Variants in GLIS3 observed in about 807,000 individuals in gnomAD.
GLIS3 encodes the protein GLIS family zinc finger 3.
In GLIS3, 53 loss-of-function variants were observed where a neutral mutation model predicts 78.6. The observed-to-expected ratio is 0.67, with a 90% confidence interval of 0.54 to 0.85. The LOEUF (loss-of-function observed/expected upper bound fraction) is 0.85, where lower values mean the gene tolerates loss of function less well. Ranked by LOEUF, GLIS3 falls within the 40% of genes least tolerant of loss-of-function variation. The pLI is 0.00. For missense variants in GLIS3, 1,703 were observed against 1,231.1 expected (o/e 1.38, Z -5.74); for synonymous variants, 684 against 509.9 (o/e 1.34, Z -4.60).
chr9:4,201,866 T>C (rs1340763426), intron 2 of GLIS3, among the ~76,000 whole-genome samples: 1 of 152,144 alleles, frequency 6.6e-6, no homozygotes, highest in African/African-American at 2.4e-5. Flanking sequence ...CCAGGCATGG[T>C]AGCTCATGCC....
At position 3,853,862 on chromosome 9, in the gene GLIS3, T is replaced by A. The variant is rs370115452; in HGVS notation, c.2473+2147A>T. 1.5e-4 allele frequency among the ~76,000 whole-genome samples: 23 copies of A among 152,354 alleles called. 1 individual carries two copies. In the South Asian group the frequency reaches 3.7e-3, roughly 25 times the overall value. The stretch of plus-strand genomic sequence containing the variant: ...CAATTTTCAAATTTTTAAAAATGTG[T>A]TTCACAGTTGTAATCAAAATGTGTT... On this transcript the variant is annotated intron_variant, in intron 9 of 10. Coordinates refer to ENST00000381971, the MANE Select transcript of GLIS3 (RefSeq NM_001042413.2).
chr9:4,458,293 G>A, the GLIS3 span, among the ~76,000 whole-genome samples: 1 of 152,176 alleles, frequency 6.6e-6, no homozygotes, highest in African/African-American at 2.4e-5. Context: ...ATTGTTCTAG[G>A]CACTGGGGAC....
intron 2 of GLIS3, among the ~76,000 whole-genome samples, chr9:4,165,770 G>C (rs1282796442): frequency 2.0e-5 from 3 of 152,250 alleles, no homozygotes; most frequent in Admixed American, 1.3e-4. Flanking sequence ...AATGGGGCTA[G>C]AACAAGTTTC....
the GLIS3 span, among the ~76,000 whole-genome samples, chr9:4,380,778 T>G: frequency 6.6e-6 from 1 of 152,176 alleles, no homozygotes; most frequent in South Asian, 2.1e-4. Flanking sequence ...AAGGAGAATG[T>G]GGATTTAATT....
intron 2 of GLIS3, among the ~76,000 whole-genome samples, chr9:4,127,990 C>T (rs929475594): frequency 4.6e-5 from 7 of 152,158 alleles, no homozygotes; most frequent in East Asian, 1.9e-4. Flanking sequence ...CATTATTTTA[C>T]GTACCAGTAA....
intron 4 of GLIS3, among the ~76,000 whole-genome samples, chr9:3,967,844 G>A (rs1818073926): frequency 6.6e-6 from 1 of 152,162 alleles, no homozygotes; most frequent in Non-Finnish European, 1.5e-5. Flanking sequence ...CAGAAGGACA[G>A]GCACCAAGCT....
intron 4 of GLIS3, among the ~76,000 whole-genome samples, chr9:4,107,389 C>G (rs768797828): frequency 3.9e-4 from 59 of 152,214 alleles, no homozygotes; most frequent in Non-Finnish European, 4.7e-4. Flanking sequence ...AGAAGTCAAG[C>G]CTGTCACTTC....
chr9:4,325,929 T>C (rs1373359269), intron 2 of GLIS3, among the ~76,000 whole-genome samples: 1 of 152,204 alleles, frequency 6.6e-6, no homozygotes, highest in Non-Finnish European at 1.5e-5. Flanking sequence ...GAAGCCATTA[T>C]CCTCAGCAAA....
At chr9:4,454,776 A>T in the GLIS3 span, among the ~76,000 whole-genome samples, 5,407 of 152,232 alleles carry the variant, frequency 0.036, 260 homozygotes, top group East Asian at 0.22. Flanking sequence ...TTTCACAATG[A>T]GGGGAGTTAT....
chr9:4,366,377 C>A, the GLIS3 span, among the ~76,000 whole-genome samples: 1 of 152,042 alleles, frequency 6.6e-6, no homozygotes, highest in Admixed American at 6.6e-5. Context: ...CGAGTTAAAA[C>A]GTGAAAAAAA....
chr9:4,233,118 T>A (rs1488627120), intron 2 of GLIS3, among the ~76,000 whole-genome samples: 2 of 152,216 alleles, frequency 1.3e-5, no homozygotes, highest in African/African-American at 4.8e-5. Context: ...AGGTGACATC[T>A]TTGACATCTT....
At chr9:4,139,964 A>T (rs1406283390) in intron 2 of GLIS3, among the ~76,000 whole-genome samples, 2 of 152,164 alleles carry the variant, frequency 1.3e-5, no homozygotes, top group African/African-American at 4.8e-5. Context: ...ACTCAATATA[A>T]ATCAATGGGA....
At chr9:4,025,671 C>T (rs563974032) in intron 4 of GLIS3, among the ~76,000 whole-genome samples, 2 of 152,242 alleles carry the variant, frequency 1.3e-5, no homozygotes, top group South Asian at 4.1e-4. Context: ...CAGGTGTGAG[C>T]CACTGTGCCT....
chr9:4,041,756 T>C (rs1249858775), intron 4 of GLIS3, among the ~76,000 whole-genome samples: 3 of 152,172 alleles, frequency 2.0e-5, no homozygotes, highest in Non-Finnish European at 2.9e-5. Context: ...TAAAACCAGG[T>C]AGAACACCCA....
chr9:4,371,814 C>T, the GLIS3 span, among the ~76,000 whole-genome samples: 9 of 152,198 alleles, frequency 5.9e-5, no homozygotes, highest in Admixed American at 1.3e-4. Context: ...GCTCCAGTTG[C>T]CCTGAAGATC....
At chr9:4,123,406 T>C (rs116481432) in intron 3 of GLIS3, among the ~76,000 whole-genome samples, 5,457 of 152,162 alleles carry the variant, frequency 0.036, 310 homozygotes, top group African/African-American at 0.12. Context: ...ACAACAAATT[T>C]TACTTTTAAG....
At chr9:4,162,625 C>T (rs12342802) in intron 2 of GLIS3, among the ~76,000 whole-genome samples, 7,135 of 151,944 alleles carry the variant, frequency 0.047, 561 homozygotes, top group African/African-American at 0.16. Context: ...TTTGGGAGGC[C>T]GAGGTGGGCA....
intron 2 of GLIS3, among the ~76,000 whole-genome samples, chr9:4,261,668 T>C (rs1465172999): frequency 1.3e-5 from 2 of 152,156 alleles, no homozygotes; most frequent in Non-Finnish European, 2.9e-5. Flanking sequence ...TGGAGCCACA[T>C]TACGTAACTC....
intron 4 of GLIS3, among the ~76,000 whole-genome samples, chr9:3,965,626 C>T (rs188672118): frequency 1.4e-4 from 21 of 152,244 alleles, no homozygotes; most frequent in East Asian, 7.7e-4. Flanking sequence ...AACCTCCTGA[C>T]GAAACATGTG....
Sources: gnomAD v4.1 joint callset for allele counts (sites outside exome capture counted in the v4.1 genomes callset) on GRCh38, gnomAD v4.1.1 for gene constraint, MANE v1.5 for transcripts, NCBI Gene and HGNC (gene_info 2026-07-23, HGNC 2026-07-21) for gene names.